Variants in ZNF507 observed in about 807,000 individuals in gnomAD.
ZNF507 encodes the protein zinc finger protein 507.
A neutral mutation model predicts 80.0 loss-of-function variants in ZNF507; 29 were observed. That is an observed-to-expected ratio of 0.36 (90% CI 0.27 to 0.49). ZNF507 has a LOEUF of 0.49. Ranked by LOEUF, ZNF507 falls within the 20% of genes least tolerant of loss-of-function variation. The pLI, the probability that ZNF507 is intolerant of heterozygous loss-of-function variation, is 0.98. For missense variants in ZNF507, 1,081 were observed against 1,152.2 expected, an observed-to-expected ratio of 0.94 and a Z score of 0.90; for synonymous variants, 462 against 422.5, an observed-to-expected ratio of 1.09 and a Z score of -1.15.
chr19:32,383,265 A>AT lies in ZNF507; in HGVS notation c.*183dup. ...AGGAATTCCAAATGGACAAGCAGTA[A>AT]TGATATTTAAATATTTTGAGTGAGG... On this transcript the variant is annotated 3_prime_UTR_variant, in exon 7 of 7. Coordinates refer to ENST00000355898, the MANE Select transcript of ZNF507 (RefSeq NM_001136156.2). The AT allele has an allele frequency of 1.3e-6, 1 of 748,358 alleles. No individual in the cohort carries two copies. The highest frequency in any genetic ancestry group is 2.9e-5 in the East Asian group (1 of 35,054). 46.4% of individuals were successfully genotyped at this position (748,358 alleles called of 1,614,324 possible).
At chr19:32,349,134 A>G (rs549217244) in intron 2 of ZNF507, among the ~76,000 whole-genome samples, 1 of 152,344 alleles carries the variant, frequency 6.6e-6, no homozygotes, top group Non-Finnish European at 1.5e-5. Flanking sequence ...ATAGCCTTCT[A>G]TTGAGGAACA....
chr19:32,376,903 CAGAGAGAGAGAGGG>C (rs1298873511), intron 5 of ZNF507, among the ~76,000 whole-genome samples: 2 of 151,488 alleles, frequency 1.3e-5, no homozygotes, highest in African/African-American at 4.8e-5. Context: ...GCAGCAGAGG[CAGAGAGAGAGAGGG>C]AGAGAGAGAG....
At position 32,353,352 on chromosome 19, in the gene ZNF507, G is replaced by A; in HGVS notation, c.522G>A (p.Val174=). Residue 174 remains valine, a synonymous_variant, in exon 3 of 7, where the codon GTG becomes GTA. Coordinates refer to ENST00000355898, the MANE Select transcript of ZNF507 (RefSeq NM_001136156.2). Reference sequence around the variant, plus strand: ...GCCAGGAGGAACTTGAAGCCCACGTGGTGAATGACCATGACAATGATGCCA... The same window carrying A: ...GCCAGGAGGAACTTGAAGCCCACGTAGTGAATGACCATGACAATGATGCCA... ...SRSQEELEAH[V]VNDHDNDANI... 6.2e-7 allele frequency: 1 copy of A among 1,614,162 alleles called. No homozygotes were observed. The highest frequency in any genetic ancestry group is 8.5e-7 in the Non-Finnish European group (1 of 1,180,040).
rs985398002 is a variant in ZNF507, at chr19:32,384,654, AATT to A, written c.*1579_*1581del. On this transcript the variant is annotated 3_prime_UTR_variant, in exon 7 of 7. Coordinates refer to ENST00000355898, the MANE Select transcript of ZNF507 (RefSeq NM_001136156.2). ...GGTATGATTGGATTAATATTTATAA[AATT>A]ATTATTAGGAATTATTTAAGTGGGG... 5.9e-5 allele frequency: 9 copies of A among 152,090 alleles called. No homozygotes were observed. The highest frequency in any genetic ancestry group is 2.2e-4 in the African/African-American group (9 of 41,410). The allele number at this position is 152,090 out of a possible 1,614,324, so 9.4% of individuals were successfully genotyped here.
At chr19:32,373,181 T>A (rs2145336750) in intron 5 of ZNF507, among the ~76,000 whole-genome samples, 1 of 152,154 alleles carries the variant, frequency 6.6e-6, no homozygotes, top group Middle Eastern at 3.4e-3. Context: ...CTTAATATTA[T>A]CCCTTTGGGG....
At chr19:32,382,189 A>G (rs561727476) in intron 5 of ZNF507, 30 of 296,970 alleles carry the variant, frequency 1.0e-4, no homozygotes, top group Middle Eastern at 1.0e-3. Context: ...ATCTTTCCAA[A>G]TATTGTAATA....
intron 5 of ZNF507, among the ~76,000 whole-genome samples, chr19:32,368,412 G>C (rs980618685): frequency 1.3e-5 from 2 of 152,188 alleles, no homozygotes; most frequent in Non-Finnish European, 2.9e-5. Context: ...ATTTCTCCTT[G>C]TGGACTTTGC....
intron 5 of ZNF507, among the ~76,000 whole-genome samples, chr19:32,373,724 A>G (rs958246064): frequency 7.2e-5 from 11 of 152,182 alleles, no homozygotes; most frequent in African/African-American, 2.2e-4. Flanking sequence ...CCTGTGGCCA[A>G]TTATTTATTT....
intron 5 of ZNF507, chr19:32,380,760 AATG>A (rs1967612736): frequency 2.4e-6 from 2 of 820,958 alleles, no homozygotes; most frequent in South Asian, 3.1e-5. Context: ...TGTTTGCCCA[AATG>A]ATGACAACTT....
At chr19:32,360,053 A>G (rs1452456342) in intron 4 of ZNF507, among the ~76,000 whole-genome samples, 1 of 152,126 alleles carries the variant, frequency 6.6e-6, no homozygotes, top group Admixed American at 6.5e-5. Context: ...AGTTGGTTAT[A>G]TATGCTTCAT....
At chr19:32,379,103 G>A (rs1395746379) in intron 5 of ZNF507, among the ~76,000 whole-genome samples, 1 of 152,128 alleles carries the variant, frequency 6.6e-6, no homozygotes, top group African/African-American at 2.4e-5. Context: ...ATTTGAGCAG[G>A]GGACTGTGAC....
intron 5 of ZNF507, among the ~76,000 whole-genome samples, chr19:32,368,066 T>G (rs1027637090): frequency 2.0e-5 from 3 of 152,168 alleles, no homozygotes; most frequent in African/African-American, 7.2e-5. Context: ...GGGCCTGAAC[T>G]CTTGCTCCTA....
In ZNF507 at chr19:32,383,058, A is replaced by G; in HGVS notation, c.2837A>G (p.His946Arg). The G allele has an allele frequency of 6.2e-7, 1 of 1,614,008 alleles. No homozygotes were observed. Residue 946 changes from histidine to arginine, a missense_variant, in exon 7 of 7, where the codon CAC (histidine) becomes CGC (arginine). This residue lies in a region of ZNF507 where 138 missense variants were observed against 158.4 expected (regional missense o/e 0.87). Coordinates refer to ENST00000355898, the MANE Select transcript of ZNF507 (RefSeq NM_001136156.2). ...EIVNIILNKD[H>R]NTALNTN ...GTAAACATCATCCTGAATAAGGACCACAATACAGCTCTAAACACAAATTAG... is the reference window on the plus strand; with the variant it reads ...GTAAACATCATCCTGAATAAGGACCGCAATACAGCTCTAAACACAAATTAG...
chr19:32,379,219 T>C (rs1967593079), intron 5 of ZNF507, among the ~76,000 whole-genome samples: 1 of 152,190 alleles, frequency 6.6e-6, no homozygotes, highest in African/African-American at 2.4e-5. Context: ...CTGATAAAGA[T>C]GTTAGTGAAA....
Position 32,383,909 on chromosome 19 carries a change from T to C in ZNF507, c.*826T>C, listed in dbSNP as rs180733725. 4 of 152,334 alleles carry C rather than the reference T, an allele frequency of 2.6e-5. No homozygotes were observed. The East Asian group carries it at 7.7e-4, about 29-fold the overall frequency. The allele number at this position is 152,334 out of a possible 1,614,324, so 9.4% of individuals were successfully genotyped here. On this transcript the variant is annotated 3_prime_UTR_variant, in exon 7 of 7. Transcript: ENST00000355898. The stretch of plus-strand genomic sequence containing the variant: ...TACTTTCTCCATAGTACGTAGACCT[T>C]CTAATACTCTGCTAAATGAAACCAC...
rs775919016 is a variant in ZNF507 at position 32,382,854 on chromosome 19, A to G, written c.2633A>G (p.Asn878Ser). Residue 878 changes from asparagine to serine, a missense_variant, in exon 7 of 7, where the codon AAC becomes AGC. Around this residue, in one of 6 missense-constraint regions of ZNF507, gnomAD observed 138 missense variants for 158.4 expected, o/e 0.87. Transcript: ENST00000355898. ...ACTCCCAGTGAAGTTCTGGGTACCA[A>G]CGAGAATGAGAAACTGAGCCCTACA... ...SQTPSEVLGTNENEKLSPTSN... is the reference protein window; with the variant it reads ...SQTPSEVLGTSENEKLSPTSN... 3 of 1,614,148 alleles carry G rather than the reference A, an allele frequency of 1.9e-6. No homozygotes were observed. The highest frequency in any genetic ancestry group is 1.7e-6 in the Non-Finnish European group (2 of 1,180,020).
chr19:32,376,189 T>A (rs1046314069), intron 5 of ZNF507, among the ~76,000 whole-genome samples: 2 of 152,210 alleles, frequency 1.3e-5, no homozygotes, highest in Non-Finnish European at 2.9e-5. Context: ...TATGTATTTT[T>A]AAATACTGAA....
intron 4 of ZNF507, chr19:32,357,298 T>C (rs1967266019): frequency 6.6e-6 from 1 of 152,276 alleles, no homozygotes; most frequent in Admixed American, 6.5e-5. Context: ...TCAAAAGATT[T>C]AATTAGAGCT....
At chr19:32,361,528 C>T (rs1388638087) in intron 5 of ZNF507, among the ~76,000 whole-genome samples, 1 of 152,178 alleles carries the variant, frequency 6.6e-6, no homozygotes, top group African/African-American at 2.4e-5. Flanking sequence ...AATTTGCAAA[C>T]CAGCAGACTT....
Sources: gnomAD v4.1 joint callset for allele counts (sites outside exome capture counted in the v4.1 genomes callset) on GRCh38, gnomAD v4.1.1 for gene constraint, gnomAD v4.1.1 regional missense constraint, MANE v1.5 for transcripts, NCBI Gene and HGNC (gene_info 2026-07-23, HGNC 2026-07-21) for gene names.